The following RGSL1 variants were observed in gnomAD, a reference collection of about 807,000 sequenced individuals.
The protein encoded by RGSL1 is regulator of G protein signaling like 1.
In RGSL1, 97 loss-of-function variants were observed where a neutral mutation model predicts 124.7. That is an observed-to-expected ratio of 0.78 (90% CI 0.66 to 0.92). RGSL1 has a LOEUF of 0.92. Ranked by LOEUF, RGSL1 falls within the 40% of genes least tolerant of loss-of-function variation. RGSL1 has a pLI of 0.00. For synonymous variants in RGSL1, 424 were observed against 438.1 expected, an observed-to-expected ratio of 0.97 and a Z score of 0.40; for missense variants, 1,233 against 1,288.4, an observed-to-expected ratio of 0.96 and a Z score of 0.66.
chr1:182,549,726 G>A (rs1660444857), intron 17 of RGSL1: 1 of 152,184 alleles, frequency 6.6e-6, no homozygotes, highest in Non-Finnish European at 1.5e-5. Context: ...ATAGAAGTGT[G>A]AAATTGCTTA....
chr1:182,524,949 T>G (rs1339243373), intron 10 of RGSL1, among the ~76,000 whole-genome samples: 1 of 152,176 alleles, frequency 6.6e-6, no homozygotes, highest in Non-Finnish European at 1.5e-5. Context: ...CAGTTATCTA[T>G]TTATCATTGG....
upstream of RGSL1, chr1:182,448,130 C>G (rs1651584593): frequency 6.6e-6 from 1 of 152,104 alleles, no homozygotes; most frequent in African/African-American, 2.4e-5. Context: ...TTTTGCAAAC[C>G]AGATCAGATC....
chr1:182,554,214 C>T (rs994412161), intron 19 of RGSL1, among the ~76,000 whole-genome samples: 5 of 152,184 alleles, frequency 3.3e-5, no homozygotes, highest in Non-Finnish European at 7.4e-5. Context: ...GCATGAAATG[C>T]CAGCATACCT....
chr1:182,518,722 G>A (rs548422700), intron 9 of RGSL1, among the ~76,000 whole-genome samples: 1 of 152,310 alleles, frequency 6.6e-6, no homozygotes, highest in East Asian at 1.9e-4. Context: ...ATAATGCGGG[G>A]AGGGGTATCT....
chr1:182,521,491 G>A (rs1219155378), intron 9 of RGSL1, among the ~76,000 whole-genome samples: 1 of 152,236 alleles, frequency 6.6e-6, no homozygotes, highest in Admixed American at 6.5e-5. Flanking sequence ...TACAGGGGAA[G>A]CAGTGTCCGT....
At chr1:182,488,940 C>T (rs1655317735) in intron 7 of RGSL1, 40 bp from the exon 8 acceptor site, 2 of 1,494,196 alleles carry the variant, frequency 1.3e-6, no homozygotes, top group Non-Finnish European at 1.8e-6. Context: ...GGTCTAGTTC[C>T]TGTAACAAAT....
At chr1:182,531,295 C>G (rs1659154738) in intron 13 of RGSL1, among the ~76,000 whole-genome samples, 1 of 152,196 alleles carries the variant, frequency 6.6e-6, no homozygotes, top group African/African-American at 2.4e-5. Context: ...TAGCAAGTGT[C>G]TTGCAGACAA....
intron 4 of RGSL1, among the ~76,000 whole-genome samples, chr1:182,465,293 G>T (rs890766152): frequency 3.3e-5 from 5 of 152,062 alleles, no homozygotes; most frequent in Non-Finnish European, 7.4e-5. Flanking sequence ...CATAAAAAAG[G>T]ATGAGTTCAT....
In RGSL1 at chr1:182,548,368, T is replaced by A. The variant is rs1353520270; in HGVS notation, c.2721T>A (p.Tyr907Ter). ...SAHMLQVNRA[Y>*]NENDVILMRS... ...ACATGCTGCAGGTCAACCGGGCATA[T>A]AATGAGAATGATGTGATCCTAATGC... is the stretch of plus-strand genomic sequence containing the variant. The change falls in exon 16 of 22, where the codon TAT becomes TAA. Residue 907 changes from tyrosine (Y) to a stop codon, truncating the protein, a stop_gained. Coordinates refer to ENST00000294854, the MANE Select transcript of RGSL1 (RefSeq NM_001137669.2). LOFTEE classifies it high-confidence loss of function. 6.4e-7 allele frequency: 1 copy of A among 1,552,002 alleles called. No individual in the cohort carries two copies. Among genetic ancestry groups the A allele is most frequent in the Admixed American group, 2.0e-5 (1 of 50,996 alleles).
intron 2 of RGSL1, among the ~76,000 whole-genome samples, chr1:182,455,310 G>A (rs1465953897): frequency 3.9e-5 from 6 of 152,202 alleles, no homozygotes; most frequent in South Asian, 2.1e-4. Flanking sequence ...GGCGGGGCAC[G>A]GTGGCTCATG....
At chr1:182,517,901 T>C (rs985373519) in intron 9 of RGSL1, among the ~76,000 whole-genome samples, 2 of 152,214 alleles carry the variant, frequency 1.3e-5, no homozygotes, top group Non-Finnish European at 2.9e-5. Context: ...TTTGATCCAT[T>C]TGGGAAGATT....
At chr1:182,477,304 A>G (rs895755069) in intron 6 of RGSL1, among the ~76,000 whole-genome samples, 1 of 152,150 alleles carries the variant, frequency 6.6e-6, no homozygotes, top group African/African-American at 2.4e-5. Context: ...TTTTGCCACC[A>G]GACCCACCCT....
rs181681444 is a variant in RGSL1, at chr1:182,557,256, C to A, written c.*165+1034C>A. Among the ~76,000 whole-genome samples the A allele has an allele frequency of 7.9e-5, 12 of 152,282 alleles. 3 individuals are homozygous for A. Among genetic ancestry groups the A allele is most frequent in the African/African-American group, 2.9e-4 (12 of 41,556 alleles). On this transcript the variant is annotated intron_variant, in intron 21 of 21. Transcript: ENST00000294854. Reference sequence around the variant, plus strand: ...CTTCCCTTCCCTATCAGGGCTAGAGCTTTAGAACAGGACTGCAATTAATAG... The same window carrying A: ...CTTCCCTTCCCTATCAGGGCTAGAGATTTAGAACAGGACTGCAATTAATAG...
chr1:182,552,529 C>T lies in RGSL1; in HGVS notation c.3044-926C>T, dbSNP rs907280923. ...AACCAAAGAAAACAGGTCTGTGAAT[C>T]TGGGAACAGCATCAGAGAGTCATAA... is the stretch of plus-strand genomic sequence containing the variant. On this transcript the variant is annotated intron_variant, in intron 18 of 21. Transcript: ENST00000294854. 2.0e-5 allele frequency among the ~76,000 whole-genome samples: 3 copies of T among 152,286 alleles called. No homozygotes were observed. In the East Asian group the frequency reaches 5.8e-4, roughly 29 times the overall value.
Position 182,462,304 on chromosome 1 carries a change from G to A in RGSL1, c.301+2171G>A, listed in dbSNP as rs191892833. On this transcript the variant is annotated intron_variant, in intron 4 of 21. Transcript: ENST00000294854. ...CAAGGATGAAATTAAGATATTCCCA[G>A]ATAAACAAAAGTTGAGGGAGCTTTC... 8.7e-3 allele frequency among the ~76,000 whole-genome samples: 1,330 copies of A among 152,234 alleles called. 9 individuals are homozygous for A. The highest frequency in any genetic ancestry group is 0.013 in the Non-Finnish European group (863 of 68,004).
intron 4 of RGSL1, among the ~76,000 whole-genome samples, chr1:182,468,488 A>C (rs573975070): frequency 6.6e-6 from 1 of 152,218 alleles, no homozygotes; most frequent in Admixed American, 6.5e-5. Context: ...GAAGCTGGAA[A>C]GTGTCATTCT....
At chr1:182,551,655 C>T (rs1660572202) in intron 18 of RGSL1, among the ~76,000 whole-genome samples, 1 of 151,978 alleles carries the variant, frequency 6.6e-6, no homozygotes, top group Admixed American at 6.5e-5. Flanking sequence ...TGAAAGCAGA[C>T]ATATATATGT....
At chr1:182,465,932 A>G (rs1653285274) in intron 4 of RGSL1, among the ~76,000 whole-genome samples, 1 of 152,112 alleles carries the variant, frequency 6.6e-6, no homozygotes, top group African/African-American at 2.4e-5. Flanking sequence ...CTAGCAAACC[A>G]CATTCAACAG....
At chr1:182,528,364 T>C (rs1658912556) in intron 11 of RGSL1, among the ~76,000 whole-genome samples, 1 of 152,196 alleles carries the variant, frequency 6.6e-6, no homozygotes, top group South Asian at 2.1e-4. Flanking sequence ...TGTTCTCACA[T>C]TTCAAAACAC....
Sources: gnomAD v4.1 joint callset for allele counts (sites outside exome capture counted in the v4.1 genomes callset) on GRCh38, gnomAD v4.1.1 for gene constraint, MANE v1.5 for transcripts, NCBI Gene and HGNC (gene_info 2026-07-23, HGNC 2026-07-21) for gene names.